Variants in SLC28A3 observed in about 807,000 individuals in gnomAD.
The protein encoded by SLC28A3 is concentrative Na(+)-nucleoside cotransporter 3.
A neutral mutation model predicts 84.2 loss-of-function variants in SLC28A3; 68 were observed. That is an observed-to-expected ratio of 0.81 (90% CI 0.66 to 0.99). SLC28A3 has a LOEUF of 0.99. Among genes scored for constraint, SLC28A3 ranks in the 50% least tolerant of loss-of-function variants. The probability of loss-of-function intolerance (pLI) is 0.00; values close to 1 mark genes in which losing one functional copy is unlikely to be tolerated. For synonymous variants in SLC28A3, 267 were observed against 303.6 expected, an observed-to-expected ratio of 0.88 and a Z score of 1.25; for missense variants, 712 against 841.5, an observed-to-expected ratio of 0.85 and a Z score of 1.90.
At chr9:84,359,475 G>C in the SLC28A3 span, among the ~76,000 whole-genome samples, 3 of 152,082 alleles carry the variant, frequency 2.0e-5, no homozygotes, top group Non-Finnish European at 4.4e-5. Flanking sequence ...ACAGAATAAG[G>C]CACATCTGTA....
intron 10 of SLC28A3, among the ~76,000 whole-genome samples, chr9:84,290,512 C>T (rs77649487): frequency 0.02 from 3,092 of 152,220 alleles, 98 homozygotes; most frequent in African/African-American, 0.064. Context: ...ACAAGCTTTC[C>T]GGGTGATTCC....
chr9:84,342,128 A>AC (rs1827173580), upstream of SLC28A3, among the ~76,000 whole-genome samples: 1 of 102,290 alleles, frequency 9.8e-6, no homozygotes, highest in African/African-American at 5.5e-5. Flanking sequence ...ACCCTGTCTC[A>AC]AAAAAAAAAA....
At chr9:84,305,452 A>G (rs1384789136) in intron 3 of SLC28A3, 107 bp from the exon 4 acceptor site, 13 of 892,496 alleles carry the variant, frequency 1.5e-5, no homozygotes, top group Non-Finnish European at 1.8e-6. Context: ...GCAAACAAAC[A>G]CATGTGTGAG....
chr9:84,315,608 T>C (rs1826144078), intron 1 of SLC28A3, among the ~76,000 whole-genome samples: 1 of 152,196 alleles, frequency 6.6e-6, no homozygotes, highest in South Asian at 2.1e-4. Flanking sequence ...TTCTCCACTG[T>C]GTAATAGTCT....
chr9:84,313,868 G>GAAAAAAAAAAA (rs754131148), intron 1 of SLC28A3, among the ~76,000 whole-genome samples: 2 of 125,572 alleles, frequency 1.6e-5, no homozygotes, highest in African/African-American at 3.0e-5. Flanking sequence ...GACTCTACCT[G>GAAAAAAAAAAA]AAAAAAAAAA....
intron 3 of SLC28A3, among the ~76,000 whole-genome samples, chr9:84,306,948 A>C (rs1002233102): frequency 7.4e-6 from 1 of 135,328 alleles, no homozygotes; most frequent in Admixed American, 8.1e-5. Flanking sequence ...ATTTGAGCCC[A>C]GGAGTTTCAG....
intron 14 of SLC28A3, among the ~76,000 whole-genome samples, chr9:84,282,793 T>C (rs931853424): frequency 1.3e-5 from 2 of 152,148 alleles, no homozygotes; most frequent in Non-Finnish European, 2.9e-5. Flanking sequence ...TATGATTTTG[T>C]TCAAAGAACA....
chr9:84,329,395 C>T (rs991705526), intron 1 of SLC28A3, among the ~76,000 whole-genome samples: 4 of 152,094 alleles, frequency 2.6e-5, no homozygotes, highest in African/African-American at 9.7e-5. Flanking sequence ...CAGAACACTC[C>T]ACCAACAAAA....
the SLC28A3 span, among the ~76,000 whole-genome samples, chr9:84,366,892 T>C: frequency 6.6e-6 from 1 of 152,192 alleles, no homozygotes; most frequent in Non-Finnish European, 1.5e-5. Flanking sequence ...ACTTCCTGGC[T>C]ACTGCCTATG....
chr9:84,297,147 T>G, intron 8 of SLC28A3, 74 bp downstream of exon 8: 2 of 1,339,528 alleles, frequency 1.5e-6, no homozygotes, highest in Non-Finnish European at 2.1e-6. Context: ...GTCAGTTAAG[T>G]TCTATCTGAA....
At chr9:84,297,573 A>T (rs1246486765) in intron 7 of SLC28A3, among the ~76,000 whole-genome samples, 1 of 152,230 alleles carries the variant, frequency 6.6e-6, no homozygotes. Context: ...GGAGCCATAC[A>T]TGGCTTGTAG....
chr9:84,286,173 G>T, intron 12 of SLC28A3, 62 bp from the exon 13 acceptor site: 1 of 1,518,062 alleles, frequency 6.6e-7, no homozygotes, highest in South Asian at 1.2e-5. Flanking sequence ...GACACCATTG[G>T]TGCAGAAGTA....
At chr9:84,292,481 CTCTCTCTCTCTCTCTG>C in intron 10 of SLC28A3, 171 bp downstream of exon 10, 1 of 402,286 alleles carries the variant, frequency 2.5e-6, no homozygotes. Flanking sequence ...CTCTGTCTCT[CTCTCTCTCTCTCTCTG>C]TCTCTCTCTC....
At chr9:84,301,398 A>G (rs565531752) in intron 5 of SLC28A3, among the ~76,000 whole-genome samples, 2 of 151,152 alleles carry the variant, frequency 1.3e-5, no homozygotes, top group Admixed American at 6.6e-5. Flanking sequence ...ACATTGGACT[A>G]TTACTAAGAG....
chr9:84,344,356 T>C (rs541462473), upstream of SLC28A3, among the ~76,000 whole-genome samples: 1 of 151,928 alleles, frequency 6.6e-6, no homozygotes, highest in South Asian at 2.1e-4. Flanking sequence ...GCCTGGCTAA[T>C]TTTTACATTT....
the SLC28A3 span, among the ~76,000 whole-genome samples, chr9:84,361,911 A>AAAATAAATAAATAAAT: frequency 6.0e-3 from 911 of 151,118 alleles, 17 homozygotes; most frequent in African/African-American, 0.02. Flanking sequence ...TCTGTCTCTA[A>AAAATAAATAAATAAAT]AAATAAATAA....
rs1445650339 is a variant in SLC28A3, at chr9:84,299,671, A to C, written c.579T>G (p.Thr193=). The C allele has an allele frequency of 2.5e-6, 4 of 1,613,792 alleles. No individual in the cohort carries two copies. The South Asian group carries it at 4.4e-5, about 18-fold the overall frequency. ...LAVIFWLAFD[T]AKLGQQQLVS... Reference sequence around the variant, plus strand: ...CCAGCTGCTGTTGACCCAATTTGGCAGTGTCAAAGGCCAACCAGAAAATAA... The same window carrying C: ...CCAGCTGCTGTTGACCCAATTTGGCCGTGTCAAAGGCCAACCAGAAAATAA... Residue 193 remains threonine, a synonymous_variant, in exon 6 of 18, where the codon ACT becomes ACG. Transcript: ENST00000376238.
At chr9:84,337,041 C>T (rs1826999794) in intron 1 of SLC28A3, among the ~76,000 whole-genome samples, 1 of 152,060 alleles carries the variant, frequency 6.6e-6, no homozygotes, top group Admixed American at 6.6e-5. Flanking sequence ...GACTGTAATC[C>T]CAGCACTTTG....
intron 5 of SLC28A3, among the ~76,000 whole-genome samples, chr9:84,301,364 A>AAAAAAAAAAAAAAAAAAC (rs1825629861): frequency 6.6e-6 from 1 of 150,904 alleles, no homozygotes. Context: ...AAAAAAAAAA[A>AAAAAAAAAAAAAAAAAAC]AAAAAAAAAA....
Sources: allele counts gnomAD v4.1 joint callset (sites outside exome capture counted in the v4.1 genomes callset), GRCh38; gene constraint gnomAD v4.1.1; transcripts MANE v1.5; gene names NCBI Gene and HGNC (gene_info 2026-07-23, HGNC 2026-07-21).